The following RBBP4 variants were observed in gnomAD, a reference collection of about 807,000 sequenced individuals.
RBBP4 encodes histone-binding protein RBBP4.
RBBP4 carries 3 observed loss-of-function variants against 57.2 expected under a neutral mutation model. The ratio of observed to expected loss-of-function variants is 0.05; its 90% CI spans 0.02 to 0.14. The LOEUF is 0.14. Among genes scored for constraint, RBBP4 ranks in the 10% least tolerant of loss-of-function variants. RBBP4 has a pLI of 1.00. For synonymous variants in RBBP4, 151 were observed against 171.5 expected (o/e 0.88, Z 0.93); for missense variants, 107 against 520.6 (o/e 0.21, Z 7.73).
At chr1:32,673,774 CTG>C (rs1557859838) in intron 11 of RBBP4, among the ~76,000 whole-genome samples, 3 of 152,050 alleles carry the variant, frequency 2.0e-5, no homozygotes, top group Admixed American at 6.6e-5. Flanking sequence ...ATAAAAATAA[CTG>C]TGGTGTCTCA....
chr1:32,656,843 G>A (rs1405101301), intron 2 of RBBP4, among the ~76,000 whole-genome samples: 1 of 151,840 alleles, frequency 6.6e-6, no homozygotes, highest in African/African-American at 2.4e-5. Flanking sequence ...CCTTTTTAAT[G>A]AAAGTTTTAG....
chr1:32,684,620 T>C lies in RBBP4; in HGVS notation c.*4915T>C. On this transcript the variant is annotated 3_prime_UTR_variant, in exon 12 of 12. Transcript: ENST00000373493. ...TCTTGTCTGTTAACCACAGCTTGCT[T>C]TAATAGAATCCTGGGAGGGTGATTG... 2.0e-6 allele frequency: 1 copy of C among 511,064 alleles called. No individual in the cohort carries two copies. The highest frequency in any genetic ancestry group is 3.4e-6 in the Non-Finnish European group (1 of 291,182). 31.7% of individuals were successfully genotyped at this position (511,064 alleles called of 1,614,324 possible).
intron 3 of RBBP4, among the ~76,000 whole-genome samples, chr1:32,662,781 C>T (rs1010941612): frequency 6.6e-6 from 1 of 151,532 alleles, no homozygotes; most frequent in Non-Finnish European, 1.5e-5. Flanking sequence ...GTCAGGAGTT[C>T]AAGACCAGCT....
intron 3 of RBBP4, among the ~76,000 whole-genome samples, chr1:32,667,662 A>G (rs532607917): frequency 1.3e-5 from 2 of 152,296 alleles, no homozygotes; most frequent in East Asian, 3.9e-4. Context: ...CATCAGTAGA[A>G]TTCTAGTTTT....
Position 32,681,662 on chromosome 1 carries a change from TC to T in RBBP4, c.*1958del. ...AGAATCCAGCAAAGAGTTGACATGT[TC>T]TGCCTCCGGCCAACTCTAGAATCTT... On this transcript the variant is annotated 3_prime_UTR_variant, in exon 12 of 12. Transcript: ENST00000373493. 1.3e-6 allele frequency: 1 copy of T among 776,530 alleles called. No individual in the cohort carries two copies. The highest frequency in any genetic ancestry group is 2.1e-6 in the Non-Finnish European group (1 of 468,052). 48.1% of individuals were successfully genotyped at this position (776,530 alleles called of 1,614,324 possible). A position where few individuals can be genotyped will look rare whatever the true frequency, so the allele number is the denominator to read the frequency against.
In RBBP4 at chr1:32,652,078, G is replaced by T; in HGVS notation, c.164+17G>T. 2 of 1,601,140 alleles carry T rather than the reference G, an allele frequency of 1.2e-6. No homozygotes were observed. Among genetic ancestry groups the T allele is most frequent in the South Asian group, 1.1e-5 (1 of 89,788 alleles). ...TGTAACCAGGTGACATGACTCTCCC[G>T]AACGTTATTTTGATGTATTTTCAGT... On this transcript the variant is annotated intron_variant, in intron 2 of 11. Coordinates refer to ENST00000373493, the MANE Select transcript of RBBP4 (RefSeq NM_005610.3).
At chr1:32,657,632 T>C in intron 3 of RBBP4, 60 bp downstream of exon 3, 4 of 1,530,780 alleles carry the variant, frequency 2.6e-6, no homozygotes, top group Non-Finnish European at 3.5e-6. Flanking sequence ...TATGTGCACT[T>C]TGATAAAGTA....
At chr1:32,651,861 A>T in intron 1 of RBBP4, 53 bp from the exon 2 acceptor site, 1 of 1,576,134 alleles carries the variant, frequency 6.3e-7, no homozygotes. Context: ...TTTGCAGAGG[A>T]TTACTCGGTT....
At chr1:32,661,310 T>TTA (rs1648396951) in intron 3 of RBBP4, among the ~76,000 whole-genome samples, 1 of 149,264 alleles carries the variant, frequency 6.7e-6, no homozygotes, top group African/African-American at 2.4e-5. Context: ...TCCTTTTTTT[T>TTA]TTTTTTTGAG....
At chr1:32,657,255 G>A (rs541556039) in intron 2 of RBBP4, among the ~76,000 whole-genome samples, 172 bp from the exon 3 acceptor site, 29 of 152,144 alleles carry the variant, frequency 1.9e-4, no homozygotes, top group Non-Finnish European at 3.5e-4. Flanking sequence ...TAGCCTGGGC[G>A]AAAGAGTGAG....
chr1:32,679,536 C>T (rs565637234), intron 11 of RBBP4, 104 bp from the exon 12 acceptor site: 1 of 1,032,074 alleles, frequency 9.7e-7, no homozygotes, highest in South Asian at 1.8e-5. Flanking sequence ...GGCCCAAAAG[C>T]TATAAAGTAT....
At chr1:32,657,336 G>A in intron 2 of RBBP4, 91 bp from the exon 3 acceptor site, 2 of 1,269,772 alleles carry the variant, frequency 1.6e-6, no homozygotes, top group South Asian at 1.4e-5. Context: ...AAACCTGGTT[G>A]TATTAGTGAC....
At chr1:32,677,557 C>G (rs1469483734) in intron 11 of RBBP4, among the ~76,000 whole-genome samples, 1 of 151,818 alleles carries the variant, frequency 6.6e-6, no homozygotes, top group Non-Finnish European at 1.5e-5. Flanking sequence ...ATCAAATTAT[C>G]AGACCTGAGG....
In RBBP4 at chr1:32,662,363, T is replaced by TTTGTTG. The variant is rs538944772; in HGVS notation, c.310+4810_310+4815dup. On this transcript the variant is annotated intron_variant, in intron 3 of 11. Coordinates refer to ENST00000373493, the MANE Select transcript of RBBP4 (RefSeq NM_005610.3). ...GTACCCGCCACCACACCAGCTAATT[T>TTTGTTG]TTGTTGTTGTTGTTGTTGTTGTTGC... 5.6e-5 allele frequency: 10 copies of TTTGTTG among 178,096 alleles called. No homozygotes were observed. In the East Asian group the frequency reaches 1.2e-3, roughly 22 times the overall value. The allele number at this position is 178,096 out of a possible 1,614,324, so 11.0% of individuals were successfully genotyped here. A position where few individuals can be genotyped will look rare whatever the true frequency, so the allele number is the denominator to read the frequency against.
At chr1:32,671,313 G>A (rs985782622) in intron 8 of RBBP4, among the ~76,000 whole-genome samples, 1 of 152,162 alleles carries the variant, frequency 6.6e-6, no homozygotes, top group African/African-American at 2.4e-5. Context: ...GGCCGGGCAC[G>A]ATGGCCCATG....
At position 32,683,845 on chromosome 1, in the gene RBBP4, CTGG is replaced by C; in HGVS notation, c.*4142_*4144del. The C allele has an allele frequency of 1.6e-6, 1 of 625,970 alleles. No homozygotes were observed. Among genetic ancestry groups the C allele is most frequent in the Admixed American group, 2.6e-5 (1 of 38,084 alleles). 38.8% of individuals were successfully genotyped at this position (625,970 alleles called of 1,614,324 possible). ...ATGGAGTTTTGCCATGTTGGCCAGGCTGGTCTTGAACTCCTGACTCCAGGTGAT... is the reference window on the plus strand; with the variant it reads ...ATGGAGTTTTGCCATGTTGGCCAGGCTCTTGAACTCCTGACTCCAGGTGAT... On this transcript the variant is annotated 3_prime_UTR_variant, in exon 12 of 12. Coordinates refer to ENST00000373493, the MANE Select transcript of RBBP4 (RefSeq NM_005610.3).
At chr1:32,668,549 GA>G (rs754282895) in intron 4 of RBBP4, 151 bp downstream of exon 4, 14 of 983,630 alleles carry the variant, frequency 1.4e-5, no homozygotes, top group Non-Finnish European at 1.8e-5. Flanking sequence ...TTGCCTCCAT[GA>G]AAAAATAATG....
chr1:32,659,083 T>C (rs1648283800), intron 3 of RBBP4, among the ~76,000 whole-genome samples: 1 of 147,614 alleles, frequency 6.8e-6, no homozygotes, highest in African/African-American at 2.5e-5. Flanking sequence ...TAAAACTACA[T>C]GTGTATATAT....
intron 3 of RBBP4, among the ~76,000 whole-genome samples, chr1:32,659,485 G>A (rs879772414): frequency 6.0e-5 from 9 of 149,284 alleles, no homozygotes; most frequent in Non-Finnish European, 1.0e-4. Context: ...ACTTGAACCC[G>A]GGAGGCAGAG....
Sources: allele counts gnomAD v4.1 joint callset (sites outside exome capture counted in the v4.1 genomes callset), GRCh38; gene constraint gnomAD v4.1.1; transcripts MANE v1.5; gene names NCBI Gene and HGNC (gene_info 2026-07-23, HGNC 2026-07-21).